The following EGFR variants were observed in gnomAD, a reference collection of about 807,000 sequenced individuals.
The protein encoded by EGFR is epidermal growth factor receptor.
In EGFR, 58 loss-of-function variants were observed where a neutral mutation model predicts 143.0. The observed-to-expected ratio is 0.41, with a 90% CI of 0.33 to 0.50. The LOEUF is 0.50. Ranked by LOEUF, EGFR falls within the 20% of genes least tolerant of loss-of-function variation. The pLI is 0.39. For synonymous variants in EGFR, 613 were observed against 594.4 expected, an observed-to-expected ratio of 1.03 and a Z score of -0.45; for missense variants, 1,307 against 1,579.0, an observed-to-expected ratio of 0.83 and a Z score of 2.92.
At chr7:55,187,908 G>A (rs892798617) in intron 20 of EGFR, among the ~76,000 whole-genome samples, 1 of 152,174 alleles carries the variant, frequency 6.6e-6, no homozygotes, top group Non-Finnish European at 1.5e-5. Flanking sequence ...GATGAGGCCT[G>A]AGAAAGCCCT....
chr7:55,208,955 G>C lies in EGFR; in HGVS notation c.*3338G>C, dbSNP rs2128976782. The C allele has an allele frequency of 6.6e-6, 1 of 152,238 alleles. No individual in the cohort carries two copies. The highest frequency in any genetic ancestry group is 2.4e-5 in the African/African-American group (1 of 41,542). 9.4% of individuals were successfully genotyped at this position (152,238 alleles called of 1,614,324 possible). A position where few individuals can be genotyped will look rare whatever the true frequency, so the allele number is the denominator to read the frequency against. On this transcript the variant is annotated 3_prime_UTR_variant, in exon 28 of 28. Coordinates refer to ENST00000275493, the MANE Select transcript of EGFR (RefSeq NM_005228.5). The stretch of plus-strand genomic sequence containing the variant: ...ATTCATCAAAGTTTCTAGAACCTCT[G>C]GCCTAAAGGAAGGGCCTGGTGGGAT...
At chr7:55,192,950 A>G in intron 22 of EGFR, 109 bp downstream of exon 22, 1 of 965,076 alleles carries the variant, frequency 1.0e-6, no homozygotes, top group Non-Finnish European at 1.7e-6. Context: ...CTTTCGAGAT[A>G]ATGACTAATG....
Position 55,192,771 on chromosome 7 carries a change from T to C in EGFR, c.2631T>C (p.Pro877=). ...TCATCTCTCACCATCCCAAGGTGCC[T>C]ATCAAGTGGATGGCATTGGAATCAA... ...KEYHAEGGKV[P]IKWMALESIL... is the part of the protein sequence containing the mutation. Residue 877 remains proline (P), a synonymous_variant, in exon 22 of 28, where the codon CCT becomes CCC. Coordinates refer to ENST00000275493, the MANE Select transcript of EGFR (RefSeq NM_005228.5). The C allele has an allele frequency of 6.2e-7, 1 of 1,614,134 alleles. No homozygotes were observed. Among genetic ancestry groups the C allele is most frequent in the Non-Finnish European group, 8.5e-7 (1 of 1,179,970 alleles).
intron 1 of EGFR, among the ~76,000 whole-genome samples, chr7:55,129,607 G>A (rs1011930330): frequency 1.3e-5 from 2 of 152,116 alleles, no homozygotes; most frequent in Non-Finnish European, 2.9e-5. Context: ...TCCCAATCTA[G>A]AAGTAAATTG....
chr7:55,100,925 T>TA (rs1342268486), intron 1 of EGFR, among the ~76,000 whole-genome samples: 1 of 152,248 alleles, frequency 6.6e-6, no homozygotes, highest in Non-Finnish European at 1.5e-5. Context: ...TAAACTGTCA[T>TA]AAAAAATTGC....
intron 1 of EGFR, among the ~76,000 whole-genome samples, chr7:55,131,545 G>C (rs149614998): frequency 5.3e-5 from 8 of 152,226 alleles, no homozygotes; most frequent in Non-Finnish European, 1.0e-4. Flanking sequence ...CACCATGCGA[G>C]CTTAGACCTT....
In EGFR at chr7:55,161,564, G is replaced by A. The variant is rs2128942888; in HGVS notation, c.1564G>A (p.Asp522Asn). ...PEGCWGPEPR[D>N]CVSCRNVSRG... ...GGGCTGCTGGGGCCCGGAGCCCAGGGACTGCGTCTCTTGCCGGAATGTCAG... is the reference window on the plus strand; with the variant it reads ...GGGCTGCTGGGGCCCGGAGCCCAGGAACTGCGTCTCTTGCCGGAATGTCAG... Residue 522 changes from aspartate to asparagine, a missense_variant, in exon 13 of 28, where the codon GAC (aspartate) becomes AAC (asparagine). By Grantham distance (23) the Asp-to-Asn change is conservative (BLOSUM62 1). Around this residue, in one of 7 missense-constraint regions of EGFR, gnomAD observed 250 missense variants for 295.1 expected, o/e 0.85. Coordinates refer to ENST00000275493, the MANE Select transcript of EGFR (RefSeq NM_005228.5). 2 of 1,614,282 alleles carry A rather than the reference G, an allele frequency of 1.2e-6. No individual in the cohort carries two copies. The highest frequency in any genetic ancestry group is 4.5e-5 in the East Asian group (2 of 44,894).
Position 55,140,249 on chromosome 7 carries a change from C to T in EGFR, c.89-2037C>T, listed in dbSNP as rs138406462. ...CAGCTGAGAGAAACTTGCAAGCTGACGTCCTTGATTATTTAAAATGAAAGC... is the reference window on the plus strand; with the variant it reads ...CAGCTGAGAGAAACTTGCAAGCTGATGTCCTTGATTATTTAAAATGAAAGC... On this transcript the variant is annotated intron_variant, in intron 1 of 27. Transcript: ENST00000275493. Among the ~76,000 whole-genome samples the T allele has an allele frequency of 1.2e-3, 189 of 152,162 alleles. 1 individual carries two copies. Among genetic ancestry groups the T allele is most frequent in the Admixed American group, 4.3e-3 (66 of 15,292 alleles).
At chr7:55,036,800 C>T (rs975540920) in intron 1 of EGFR, among the ~76,000 whole-genome samples, 2 of 152,118 alleles carry the variant, frequency 1.3e-5, no homozygotes, top group African/African-American at 4.8e-5. Context: ...CATACCTCTG[C>T]TCCATTACAC....
rs372209966 is a variant in EGFR at position 55,146,063 on chromosome 7, G to A, written c.425-543G>A. ...AACAGCTGTACAGTTTCACCATCCT[G>A]TGCATCCCTGGAGTCTACCTGTCTC... On this transcript the variant is annotated intron_variant, in intron 3 of 27. Coordinates refer to ENST00000275493, the MANE Select transcript of EGFR (RefSeq NM_005228.5). Among the ~76,000 whole-genome samples the A allele has an allele frequency of 2.5e-4, 38 of 152,238 alleles. No homozygotes were observed. In the East Asian group the frequency reaches 6.2e-3, roughly 25 times the overall value.
intron 6 of EGFR, 98 bp from the exon 7 acceptor site, chr7:55,153,913 G>T (rs1483547228): frequency 1.9e-6 from 3 of 1,570,156 alleles, no homozygotes; most frequent in East Asian, 4.5e-5. Flanking sequence ...CAGTAACTTG[G>T]GCTTTCTGAC....
chr7:55,049,622 C>A (rs1400344049), intron 1 of EGFR, among the ~76,000 whole-genome samples: 1 of 152,176 alleles, frequency 6.6e-6, no homozygotes, highest in Non-Finnish European at 1.5e-5. Context: ...CTCCCCTCCC[C>A]TCTCCAGCTC....
At chr7:55,204,418 CCAT>C (rs1788013070) in intron 27 of EGFR, among the ~76,000 whole-genome samples, 1 of 150,322 alleles carries the variant, frequency 6.7e-6, no homozygotes, top group South Asian at 2.1e-4. Flanking sequence ...ACACCACACA[CCAT>C]ATGTACACAT....
At chr7:55,176,958 T>A (rs897236568) in intron 19 of EGFR, among the ~76,000 whole-genome samples, 2 of 149,116 alleles carry the variant, frequency 1.3e-5, no homozygotes, top group African/African-American at 4.9e-5. Context: ...TATATATATA[T>A]CCCTAAATAT....
At chr7:55,196,901 G>C (rs1787644833) in intron 22 of EGFR, among the ~76,000 whole-genome samples, 2 of 151,950 alleles carry the variant, frequency 1.3e-5, no homozygotes, top group African/African-American at 4.8e-5. Context: ...GTACCATGCT[G>C]TTTTGGTTAC....
Position 55,161,591 on chromosome 7 carries a change from C to T in EGFR, c.1591C>T (p.Arg531Ter), listed in dbSNP as rs1785707212. The change falls in exon 13 of 28, where the codon CGA becomes TGA. Residue 531 changes from arginine to a stop codon, truncating the protein, a stop_gained. Transcript: ENST00000275493. LOFTEE classifies it high-confidence loss of function. ...RDCVSCRNVS[R>*]GRECVDKCNL... ...CTGCGTCTCTTGCCGGAATGTCAGC[C>T]GAGGCAGGGAATGCGTGGACAAGTG... 1 of 1,614,146 alleles carries T rather than the reference C, an allele frequency of 6.2e-7. No individual in the cohort carries two copies. The highest frequency in any genetic ancestry group is 8.5e-7 in the Non-Finnish European group (1 of 1,180,048).
chr7:55,089,813 A>G lies in EGFR; in HGVS notation c.89-52473A>G, dbSNP rs542034240. Among the ~76,000 whole-genome samples the G allele has an allele frequency of 2.0e-5, 3 of 152,246 alleles. No individual in the cohort carries two copies. In the East Asian group the frequency reaches 5.8e-4, roughly 29 times the overall value. On this transcript the variant is annotated intron_variant, in intron 1 of 27. Coordinates refer to ENST00000275493, the MANE Select transcript of EGFR (RefSeq NM_005228.5). ...TTTCCAGCCAGGCTTGGAGACCACC[A>G]CACGGGATTTGCTTCTTGGGGCCTC...
rs201581453 is a variant in EGFR at position 55,205,913 on chromosome 7, T to C, written c.*296T>C. 3.3e-5 allele frequency: 15 copies of C among 452,780 alleles called. No homozygotes were observed. In the East Asian group the frequency reaches 5.6e-4, roughly 17 times the overall value. The allele number at this position is 452,780 out of a possible 1,614,324, so 28.0% of individuals were successfully genotyped here. A position where few individuals can be genotyped will look rare whatever the true frequency, so the allele number is the denominator to read the frequency against. On this transcript the variant is annotated 3_prime_UTR_variant, in exon 28 of 28. Coordinates refer to ENST00000275493, the MANE Select transcript of EGFR (RefSeq NM_005228.5). ...AGGTATATTTGAAAAAAAAAAAAAGTATATGTGAGGATTTTTATTGATTGG... is the reference window on the plus strand; with the variant it reads ...AGGTATATTTGAAAAAAAAAAAAAGCATATGTGAGGATTTTTATTGATTGG...
At position 55,029,452 on chromosome 7, in the gene EGFR, C is replaced by T. The variant is rs71547914; in HGVS notation, c.88+10087C>T. Among the ~76,000 whole-genome samples, 1,100 of 152,036 alleles carry T rather than the reference C, an allele frequency of 7.2e-3. 11 individuals carry two copies. Among genetic ancestry groups the T allele is most frequent in the Non-Finnish European group, 0.012 (817 of 67,956 alleles). ...TTCCCTTCCTTCTTTCTCTTCCTCG[C>T]TCCTTCTTTTTTACAAGCTGTTATG... On this transcript the variant is annotated intron_variant, in intron 1 of 27. Transcript: ENST00000275493.
Sources: allele counts gnomAD v4.1 joint callset (sites outside exome capture counted in the v4.1 genomes callset), GRCh38; gene constraint gnomAD v4.1.1; regional missense constraint gnomAD v4.1.1; transcripts MANE v1.5; gene names NCBI Gene and HGNC (gene_info 2026-07-23, HGNC 2026-07-21).